CYTH3: variants seen among roughly 807,000 people sequenced by gnomAD.
CYTH3 encodes cytohesin-3.
CYTH3 carries 23 observed loss-of-function variants against 55.1 expected under a neutral mutation model. The ratio of observed to expected loss-of-function variants is 0.42; its 90% CI spans 0.30 to 0.59. The LOEUF (loss-of-function observed/expected upper bound fraction) is 0.59, where lower values mean the gene tolerates loss of function less well. Ranked by LOEUF, CYTH3 falls within the 20% of genes least tolerant of loss-of-function variation. The pLI, the probability that CYTH3 is intolerant of heterozygous loss-of-function variation, is 0.20. For missense variants in CYTH3, 413 were observed against 524.8 expected (o/e 0.79, Z 2.08); for synonymous variants, 249 against 194.9 (o/e 1.28, Z -2.31).
rs934545368 is a variant in CYTH3 at position 6,272,481 on chromosome 7, A to G, written c.27T>C (p.Gly9=). The part of the protein sequence containing the change: MDEDGGGE[G]GGVPEDLSLE... Reference sequence around the variant, plus strand: ...CACACCTCCGACACTCACCGCCACCACCCTCGCCGCCGCCGTCTTCATCCA... The same window carrying G: ...CACACCTCCGACACTCACCGCCACCGCCCTCGCCGCCGCCGTCTTCATCCA... The change falls in exon 1 of 13, where the codon GGT becomes GGC. Residue 9 remains glycine (G), a synonymous_variant. Transcript: ENST00000350796. 2 of 1,279,104 alleles carry G rather than the reference A, an allele frequency of 1.6e-6. No individual in the cohort carries two copies. Among genetic ancestry groups the G allele is most frequent in the Non-Finnish European group, 2.0e-6 (2 of 999,880 alleles). The allele number at this position is 1,279,104 out of a possible 1,614,324, so 79.2% of individuals were successfully genotyped here.
intron 1 of CYTH3, among the ~76,000 whole-genome samples, chr7:6,256,454 G>T (rs377575591): frequency 6.6e-6 from 1 of 152,186 alleles, no homozygotes; most frequent in South Asian, 2.1e-4. Context: ...ATGTTTTAGC[G>T]CAGAACTTAA....
intron 1 of CYTH3, among the ~76,000 whole-genome samples, chr7:6,251,197 T>A (rs1415305505): frequency 6.6e-6 from 1 of 151,852 alleles, no homozygotes. Flanking sequence ...ATCGCGTGAA[T>A]CCAGGTGGCG....
At chr7:6,217,903 C>T (rs1784462695) in intron 1 of CYTH3, among the ~76,000 whole-genome samples, 1 of 151,986 alleles carries the variant, frequency 6.6e-6, no homozygotes, top group South Asian at 2.1e-4. Flanking sequence ...AGATGGAGAG[C>T]GAGGCATGGT....
chr7:6,224,966 T>C (rs192237495), intron 1 of CYTH3, among the ~76,000 whole-genome samples: 27 of 152,336 alleles, frequency 1.8e-4, no homozygotes, highest in Non-Finnish European at 3.5e-4. Flanking sequence ...TACTGCTTGA[T>C]TCTATTTATG....
chr7:6,196,819 T>A lies in CYTH3; in HGVS notation c.35-6288A>T, dbSNP rs574416179. Among the ~76,000 whole-genome samples the A allele has an allele frequency of 2.0e-5, 3 of 152,328 alleles. No homozygotes were observed. The East Asian group carries it at 5.8e-4, about 29-fold the overall frequency. ...AATAGTAACCAGCTGACTGACACTA[T>A]CCTGTTACTAAAAAGTAAATGTACC... On this transcript the variant is annotated intron_variant, in intron 1 of 12. Transcript: ENST00000350796.
At chr7:6,236,721 C>A (rs1296688364) in intron 1 of CYTH3, among the ~76,000 whole-genome samples, 1 of 152,046 alleles carries the variant, frequency 6.6e-6, no homozygotes, top group African/African-American at 2.4e-5. Flanking sequence ...GCCACCACAC[C>A]CAGCTAATTT....
intron 1 of CYTH3, among the ~76,000 whole-genome samples, chr7:6,272,228 C>A (rs2115076774): frequency 6.6e-6 from 1 of 151,958 alleles, no homozygotes; most frequent in South Asian, 2.1e-4. Flanking sequence ...CCCGCGGCAG[C>A]CCCGGCCTGG....
intron 1 of CYTH3, among the ~76,000 whole-genome samples, chr7:6,227,226 G>T (rs561276130): frequency 9.9e-5 from 15 of 152,066 alleles, no homozygotes; most frequent in Non-Finnish European, 1.9e-4. Context: ...AAAGAAAGCA[G>T]ATAGGAACAG....
chr7:6,163,707 C>A lies in CYTH3; in HGVS notation c.*1237G>T, dbSNP rs1485179888. On this transcript the variant is annotated 3_prime_UTR_variant, in exon 13 of 13. Transcript: ENST00000350796. ...CTCTACGTGCCGGGCCTCTGCACCC[C>A]AGGGCCTGTTCTTCCCTCCTCGTAG... The A allele has an allele frequency of 6.6e-6, 1 of 152,252 alleles. No individual in the cohort carries two copies. The allele number at this position is 152,252 out of a possible 1,614,324, so 9.4% of individuals were successfully genotyped here.
intron 9 of CYTH3, among the ~76,000 whole-genome samples, chr7:6,166,244 G>T (rs915282840): frequency 3.9e-5 from 6 of 152,238 alleles, no homozygotes; most frequent in African/African-American, 1.4e-4. Flanking sequence ...AAGGAATCGT[G>T]AGACTGAATT....
chr7:6,209,542 T>G (rs1349761868), intron 1 of CYTH3, among the ~76,000 whole-genome samples: 1 of 152,232 alleles, frequency 6.6e-6, no homozygotes, highest in South Asian at 2.1e-4. Context: ...GAGGACACTT[T>G]GGAAGACAGT....
At chr7:6,198,543 G>C (rs1783990639) in intron 1 of CYTH3, among the ~76,000 whole-genome samples, 1 of 152,156 alleles carries the variant, frequency 6.6e-6, no homozygotes, top group Admixed American at 6.5e-5. Context: ...CAACAAACCA[G>C]CCTTCAATCA....
chr7:6,176,251 T>C (rs1045589966), intron 5 of CYTH3, among the ~76,000 whole-genome samples: 7 of 149,342 alleles, frequency 4.7e-5, no homozygotes, highest in African/African-American at 1.3e-4. Flanking sequence ...AGAAATACAA[T>C]TGATTTTTTT....
intron 4 of CYTH3, 131 bp from the exon 5 acceptor site, chr7:6,178,072 C>T (rs1783393254): frequency 1.6e-6 from 1 of 641,436 alleles, no homozygotes; most frequent in Non-Finnish European, 2.7e-6. Context: ...GACACCCATA[C>T]AACTGCACAA....
intron 1 of CYTH3, among the ~76,000 whole-genome samples, chr7:6,264,030 T>C (rs1176740226): frequency 2.6e-5 from 4 of 152,030 alleles, no homozygotes; most frequent in Non-Finnish European, 5.9e-5. Flanking sequence ...GCAGATCATC[T>C]GAGGTCAGAA....
chr7:6,236,522 TTTC>T (rs1562403351), intron 1 of CYTH3, among the ~76,000 whole-genome samples: 1 of 151,750 alleles, frequency 6.6e-6, no homozygotes. Context: ...CAAATAACTA[TTTC>T]TTATGATTAA....
At chr7:6,254,327 G>A (rs1036615041) in intron 1 of CYTH3, among the ~76,000 whole-genome samples, 2 of 152,174 alleles carry the variant, frequency 1.3e-5, no homozygotes, top group Admixed American at 1.3e-4. Flanking sequence ...AGCAGAATGT[G>A]TACTATTTTG....
chr7:6,191,147 G>A (rs1027242022), intron 1 of CYTH3, among the ~76,000 whole-genome samples: 1 of 148,876 alleles, frequency 6.7e-6, no homozygotes. Flanking sequence ...ATAAAATGAT[G>A]ACTATGAAAG....
In CYTH3 at chr7:6,190,435, T is replaced by TG. The variant is rs1362164134; in HGVS notation, c.117+13_117+14insC. ...CAGAGTTTTGGATTTTTGGTTTTTT[T>TG]TTTTTTTTTTTACCTCAATGTCATC... On this transcript the variant is annotated intron_variant, in intron 2 of 12. Transcript: ENST00000350796. 1 of 1,482,930 alleles carries TG rather than the reference T, an allele frequency of 6.7e-7. No homozygotes were observed. The highest frequency in any genetic ancestry group is 2.9e-5 in the Admixed American group (1 of 34,676). 91.9% of individuals were successfully genotyped at this position (1,482,930 alleles called of 1,614,324 possible). A position where few individuals can be genotyped will look rare whatever the true frequency, so the allele number is the denominator to read the frequency against.
Sources: allele counts gnomAD v4.1 joint callset (sites outside exome capture counted in the v4.1 genomes callset), GRCh38; gene constraint gnomAD v4.1.1; transcripts MANE v1.5; gene names NCBI Gene and HGNC (gene_info 2026-07-23, HGNC 2026-07-21).